CDKL5: variants seen among roughly 807,000 people sequenced by gnomAD.
CDKL5 encodes the protein cyclin-dependent kinase-like 5.
Under a neutral mutation model 61.7 loss-of-function variants are expected in CDKL5, and 8 were observed. The observed-to-expected ratio is 0.13, with a 90% CI of 0.08 to 0.23. The LOEUF (loss-of-function observed/expected upper bound fraction) is 0.23, where lower values mean the gene tolerates loss of function less well. CDKL5 is among the 10% of genes least tolerant of loss of function. CDKL5 has a pLI of 1.00. For synonymous variants in CDKL5, 275 were observed against 272.3 expected, an observed-to-expected ratio of 1.01 and a Z score of -0.10; for missense variants, 440 against 734.5, an observed-to-expected ratio of 0.60 and a Z score of 4.63.
intron 1 of CDKL5, among the ~76,000 whole-genome samples, chrX:18,472,959 T>C (rs1394066048): frequency 9.5e-6 from 1 of 105,789 alleles, no homozygotes; most frequent in South Asian, 4.3e-4. Context: ...CTTCTAATTT[T>C]TTTTTTTTTT....
In CDKL5 at chrX:18,596,148, A is replaced by G. The variant is rs190269952; in HGVS notation, c.825+720A>G. 4.2e-3 allele frequency among the ~76,000 whole-genome samples: 469 copies of G among 111,860 alleles called. 2 individuals are homozygous for G. The highest frequency in any genetic ancestry group is 0.015 in the African/African-American group (456 of 30,810). On this transcript the variant is annotated intron_variant, in intron 10 of 17. Coordinates refer to ENST00000623535, the MANE Select transcript of CDKL5 (RefSeq NM_001323289.2). Reference sequence around the variant, plus strand: ...TCAAAGAACACTTATTAATGGATCAATTTTATTTTATGCCCAGTCAGTCAA... The same window carrying G: ...TCAAAGAACACTTATTAATGGATCAGTTTTATTTTATGCCCAGTCAGTCAA...
chrX:18,466,025 G>C (rs1370512181), intron 1 of CDKL5, among the ~76,000 whole-genome samples: 1 of 111,571 alleles, frequency 9.0e-6, no homozygotes. Context: ...CCTCAGCTTT[G>C]ATAAGCTAAT....
chrX:18,534,195 C>T (rs1305952433), intron 3 of CDKL5, among the ~76,000 whole-genome samples: 1 of 111,702 alleles, frequency 9.0e-6, no homozygotes, highest in African/African-American at 3.3e-5. Context: ...TCATCTGCAG[C>T]AATTTTCTCA....
chrX:18,620,728 A>G (rs2147172847), intron 16 of CDKL5, among the ~76,000 whole-genome samples: 1 of 111,236 alleles, frequency 9.0e-6, no homozygotes, highest in East Asian at 2.8e-4. Context: ...AGGCTAAACA[A>G]GGTAGAGTTA....
intron 3 of CDKL5, among the ~76,000 whole-genome samples, chrX:18,526,738 G>A (rs1364764493): frequency 9.0e-6 from 1 of 110,837 alleles, no homozygotes; most frequent in Non-Finnish European, 1.9e-5. Context: ...CATGGTGGTG[G>A]TGGTATATTA....
At chrX:18,600,888 A>C (rs1926155478) in intron 11 of CDKL5, among the ~76,000 whole-genome samples, 1 of 112,246 alleles carries the variant, frequency 8.9e-6, no homozygotes, top group South Asian at 3.7e-4. Context: ...AAAGTCTTAC[A>C]TGATTTTTCT....
chrX:18,631,313 G>A lies in CDKL5; in HGVS notation c.*2556G>A. ...AATGTTTTCAACCAGTGTTTTCGAG[G>A]TAGCTCTTTAATCCTCTTCTCAGCT... is the stretch of plus-strand genomic sequence containing the variant. On this transcript the variant is annotated 3_prime_UTR_variant, in exon 18 of 18. Transcript: ENST00000623535. The A allele has an allele frequency of 2.7e-6, 2 of 753,575 alleles. No homozygotes were observed. Among genetic ancestry groups the A allele is most frequent in the Non-Finnish European group, 3.1e-6 (2 of 638,573 alleles). The allele number at this position is 753,575 out of a possible 1,213,427, so 62.1% of individuals were successfully genotyped here.
chrX:18,651,262 TGTGA>T (rs1162048809), intron 21 of CDKL5, among the ~76,000 whole-genome samples: 848 of 77,642 alleles, frequency 0.011, 7 homozygotes, highest in African/African-American at 0.036. Context: ...TGTGTGTGTG[TGTGA>T]GAGAGAGAGA....
intron 3 of CDKL5, among the ~76,000 whole-genome samples, chrX:18,536,517 G>A (rs1279460618): frequency 1.2e-5 from 1 of 83,037 alleles, no homozygotes; most frequent in Non-Finnish European, 2.1e-5. Flanking sequence ...CGTGATTTCC[G>A]CTTACTGCAA....
chrX:18,483,667 G>A (rs993461757), intron 1 of CDKL5, among the ~76,000 whole-genome samples: 1 of 109,691 alleles, frequency 9.1e-6, no homozygotes, highest in South Asian at 3.9e-4. Flanking sequence ...TGATCCACCC[G>A]CCTCGGCCTC....
chrX:18,603,079 A>G (rs1204315894), intron 11 of CDKL5, among the ~76,000 whole-genome samples: 1 of 112,049 alleles, frequency 8.9e-6, no homozygotes, highest in Non-Finnish European at 1.9e-5. Flanking sequence ...TGTGAAATGA[A>G]GCTTTAAGTC....
chrX:18,504,888 G>T (rs1360568927), intron 1 of CDKL5, among the ~76,000 whole-genome samples: 3 of 104,709 alleles, frequency 2.9e-5, no homozygotes, highest in Non-Finnish European at 5.9e-5. Context: ...AGTCGAGATC[G>T]CGCCACTGCA....
intron 1 of CDKL5, among the ~76,000 whole-genome samples, chrX:18,494,449 G>A (rs1602224173): frequency 9.0e-6 from 1 of 111,269 alleles, no homozygotes; most frequent in African/African-American, 3.3e-5. Context: ...GTAGAGATGG[G>A]GTTTTTGCCA....
chrX:18,634,444 A>G lies in CDKL5; in HGVS notation c.*5687A>G, dbSNP rs1262740046. The G allele has an allele frequency of 1.3e-6, 1 of 752,705 alleles. No homozygotes were observed. The highest frequency in any genetic ancestry group is 1.6e-6 in the Non-Finnish European group (1 of 639,138). The allele number at this position is 752,705 out of a possible 1,213,427, so 62.0% of individuals were successfully genotyped here. A position where few individuals can be genotyped will look rare whatever the true frequency, so the allele number is the denominator to read the frequency against. On this transcript the variant is annotated 3_prime_UTR_variant, in exon 18 of 18. Coordinates refer to ENST00000623535, the MANE Select transcript of CDKL5 (RefSeq NM_001323289.2). ...TAAAGTGTTTTTTGCCAGAATTGTC[A>G]AAAGCTCCGGTTCAAACTCTGTAGA...
At chrX:18,453,900 T>G (rs904804086) in intron 1 of CDKL5, among the ~76,000 whole-genome samples, 4 of 112,403 alleles carry the variant, frequency 3.6e-5, no homozygotes, top group African/African-American at 9.7e-5. Context: ...TTTTACTTAT[T>G]GAGCATCAAG....
chrX:18,562,002 T>C (rs1392313849), intron 3 of CDKL5, among the ~76,000 whole-genome samples: 1 of 111,706 alleles, frequency 9.0e-6, no homozygotes, highest in Non-Finnish European at 1.9e-5. Flanking sequence ...ACTCTAGTGA[T>C]CACAACAATC....
At chrX:18,429,709 T>G (rs1176588208) in intron 1 of CDKL5, among the ~76,000 whole-genome samples, 1 of 112,001 alleles carries the variant, frequency 8.9e-6, no homozygotes, top group African/African-American at 3.2e-5. Flanking sequence ...GATCACAGCT[T>G]GCTGCACCCT....
Position 18,560,104 on chromosome X carries a change from G to A in CDKL5, c.100-4373G>A, listed in dbSNP as rs1036872617. On this transcript the variant is annotated intron_variant, in intron 3 of 17. Coordinates refer to ENST00000623535, the MANE Select transcript of CDKL5 (RefSeq NM_001323289.2). ...TGCTGCAATAAACATACGTGTGCAT[G>A]TGTCTTTATAGCAGCATGATTTATA... 4.5e-5 allele frequency among the ~76,000 whole-genome samples: 5 copies of A among 110,537 alleles called. No individual in the cohort carries two copies. The South Asian group carries it at 2.0e-3, about 44-fold the overall frequency.
chrX:18,579,747 C>T (rs1373537258), intron 5 of CDKL5, 101 bp from the exon 6 acceptor site: 4 of 777,469 alleles, frequency 5.1e-6, no homozygotes, highest in Admixed American at 5.3e-5. Context: ...AAAAAAAAAG[C>T]TCTGTATTGG....
Sources: gnomAD v4.1 joint callset for allele counts (sites outside exome capture counted in the v4.1 genomes callset) on GRCh38, gnomAD v4.1.1 for gene constraint, MANE v1.5 for transcripts, NCBI Gene and HGNC (gene_info 2026-07-23, HGNC 2026-07-21) for gene names.